Variants in CPPED1 observed in about 807,000 individuals in gnomAD.
The protein encoded by CPPED1 is calcineurin like phosphoesterase domain containing 1.
CPPED1 carries 28 observed loss-of-function variants against 28.0 expected under a neutral mutation model. The ratio of observed to expected loss-of-function variants is 1.00; its 90% CI spans 0.74 to 1.37. The LOEUF (loss-of-function observed/expected upper bound fraction) is 1.37, where lower values mean the gene tolerates loss of function less well. Ranked by LOEUF, CPPED1 falls within the 40% of genes most tolerant of loss-of-function variation. The pLI is 0.00. For missense variants in CPPED1, 504 were observed against 416.5 expected (o/e 1.21, Z -1.83); for synonymous variants, 198 against 180.2 (o/e 1.10, Z -0.79).
At chr16:12,757,166 A>T (rs1275145943) in intron 2 of CPPED1, among the ~76,000 whole-genome samples, 3 of 152,090 alleles carry the variant, frequency 2.0e-5, no homozygotes, top group Non-Finnish European at 4.4e-5. Flanking sequence ...AGGGTGACCA[A>T]CTAAGTTATA....
Position 12,664,837 on chromosome 16 carries a change from A to C in CPPED1, c.*49T>G, listed in dbSNP as rs1404824630. The C allele has an allele frequency of 3.7e-6, 6 of 1,605,798 alleles. No individual in the cohort carries two copies. Among genetic ancestry groups the C allele is most frequent in the Non-Finnish European group, 3.4e-6 (4 of 1,178,000 alleles). On this transcript the variant is annotated 3_prime_UTR_variant, in exon 4 of 4. Transcript: ENST00000381774. The surrounding 1 kb of genome is among the most constrained non-coding windows in gnomAD (Gnocchi z 4.2). ...TTGTGTGCAGCTGCTGTTTCTGGCA[A>C]AATAAAAAAATAGTGCAAGTGAAAA...
chr16:12,796,911 A>T (rs191416596), intron 1 of CPPED1, among the ~76,000 whole-genome samples: 133 of 152,334 alleles, frequency 8.7e-4, no homozygotes, highest in Non-Finnish European at 1.6e-3. Flanking sequence ...TATACAATGG[A>T]ATATCATTTA....
chr16:12,791,047 T>G (rs986658558), intron 1 of CPPED1, among the ~76,000 whole-genome samples: 2 of 120,738 alleles, frequency 1.7e-5, no homozygotes, highest in African/African-American at 8.7e-5. Context: ...ATCCATCATC[T>G]TTTTTTTTTT....
chr16:12,727,480 G>A (rs2080176219), intron 2 of CPPED1, among the ~76,000 whole-genome samples: 1 of 152,112 alleles, frequency 6.6e-6, no homozygotes, highest in Non-Finnish European at 1.5e-5. Flanking sequence ...AGCCTCTCGA[G>A]TAGCTGAGAC....
chr16:12,745,435 G>A (rs996803958), intron 2 of CPPED1, among the ~76,000 whole-genome samples: 2 of 152,132 alleles, frequency 1.3e-5, no homozygotes, highest in Non-Finnish European at 2.9e-5. Flanking sequence ...GCCCACCAAC[G>A]ACAGATTGGA....
rs78281848 is a variant in CPPED1 at position 12,730,999 on chromosome 16, C to A, written c.290-25950G>T. Among the ~76,000 whole-genome samples, 59 of 152,196 alleles carry A rather than the reference C, an allele frequency of 3.9e-4. 1 individual carries two copies. In the East Asian group the frequency reaches 8.7e-3, roughly 22 times the overall value. On this transcript the variant is annotated intron_variant, in intron 2 of 3. Coordinates refer to ENST00000381774, the MANE Select transcript of CPPED1 (RefSeq NM_018340.3). ...AACTGCATGAAGCTTGACCACTGTCCTTCTCACCCTGGCAGAAGATGGGAC... is the reference window on the plus strand; with the variant it reads ...AACTGCATGAAGCTTGACCACTGTCATTCTCACCCTGGCAGAAGATGGGAC...
chr16:12,697,851 C>A (rs990383468), intron 3 of CPPED1, among the ~76,000 whole-genome samples: 1 of 152,126 alleles, frequency 6.6e-6, no homozygotes, highest in African/African-American at 2.4e-5. Context: ...GTGGCTCATG[C>A]CTGTAATCTT....
chr16:12,783,923 A>G (rs577067213), intron 1 of CPPED1, among the ~76,000 whole-genome samples: 1 of 152,172 alleles, frequency 6.6e-6, no homozygotes, highest in Non-Finnish European at 1.5e-5. Flanking sequence ...GCAGGGACTG[A>G]GGGAGTCCAC....
chr16:12,739,140 C>T (rs978395324), intron 2 of CPPED1, among the ~76,000 whole-genome samples: 1 of 152,120 alleles, frequency 6.6e-6, no homozygotes, highest in Non-Finnish European at 1.5e-5. Flanking sequence ...ATAGTAGCGC[C>T]TCACTGGACA....
intron 2 of CPPED1, among the ~76,000 whole-genome samples, chr16:12,766,432 A>G (rs2080439968): frequency 6.9e-6 from 1 of 145,920 alleles, no homozygotes; most frequent in Non-Finnish European, 1.5e-5. Context: ...CGTTTCTTAC[A>G]TGATGGCAGC....
intron 2 of CPPED1, among the ~76,000 whole-genome samples, chr16:12,748,417 A>G (rs780696317): frequency 2.6e-5 from 4 of 152,248 alleles, no homozygotes; most frequent in Non-Finnish European, 4.4e-5. Context: ...AACATGTGAA[A>G]TAAGCTTATA....
intron 2 of CPPED1, among the ~76,000 whole-genome samples, chr16:12,717,393 A>G (rs2080112811): frequency 6.6e-6 from 1 of 152,126 alleles, no homozygotes; most frequent in African/African-American, 2.4e-5. Context: ...TCTCCCGAGT[A>G]GCTGGGACTA....
rs1392637358 is a variant in CPPED1, at chr16:12,718,358, G to T, written c.290-13309C>A. The stretch of plus-strand genomic sequence containing the variant: ...GTTCGAGACCAGCTTGGCCAACATG[G>T]TGAAACCTTGTCTCTATTAAAAATA... On this transcript the variant is annotated intron_variant, in intron 2 of 3. Coordinates refer to ENST00000381774, the MANE Select transcript of CPPED1 (RefSeq NM_018340.3). 2.0e-5 allele frequency among the ~76,000 whole-genome samples: 3 copies of T among 152,184 alleles called. No homozygotes were observed. The East Asian group carries it at 5.8e-4, about 29-fold the overall frequency.
In CPPED1 at chr16:12,680,702, C is replaced by T. The variant is rs189425154; in HGVS notation, c.716-15587G>A. ...TGAGAAGAGAGACACTCTCAGGTTACGGAGTGCCTAAGCCAAGCAGCTCTG... is the reference window on the plus strand; with the variant it reads ...TGAGAAGAGAGACACTCTCAGGTTATGGAGTGCCTAAGCCAAGCAGCTCTG... On this transcript the variant is annotated intron_variant, in intron 3 of 3. Transcript: ENST00000381774. Among the ~76,000 whole-genome samples, 129 of 152,242 alleles carry T rather than the reference C, an allele frequency of 8.5e-4. 2 individuals carry two copies. In the East Asian group the frequency reaches 0.015, roughly 18 times the overall value.
Position 12,721,660 on chromosome 16 carries a change from G to C in CPPED1, c.290-16611C>G, listed in dbSNP as rs1212825227. ...CCCAGCTACTTGTGAGGCTGTGGCGGGAGAATCCACTTGAACCTGGGAGAC... is the reference window on the plus strand; with the variant it reads ...CCCAGCTACTTGTGAGGCTGTGGCGCGAGAATCCACTTGAACCTGGGAGAC... On this transcript the variant is annotated intron_variant, in intron 2 of 3. Coordinates refer to ENST00000381774, the MANE Select transcript of CPPED1 (RefSeq NM_018340.3). Among the ~76,000 whole-genome samples, 7 of 151,820 alleles carry C rather than the reference G, an allele frequency of 4.6e-5. No homozygotes were observed. In the East Asian group the frequency reaches 1.2e-3, roughly 25 times the overall value.
At chr16:12,667,255 T>C (rs906044801) in intron 3 of CPPED1, among the ~76,000 whole-genome samples, 1 of 152,168 alleles carries the variant, frequency 6.6e-6, no homozygotes, top group Admixed American at 6.5e-5. Flanking sequence ...TCACTCCAGA[T>C]GAAATTAATT....
chr16:12,692,535 C>T (rs1043785982), intron 3 of CPPED1, among the ~76,000 whole-genome samples: 4 of 152,196 alleles, frequency 2.6e-5, no homozygotes, highest in African/African-American at 9.6e-5. Context: ...CAAAACCCAC[C>T]GCACCTGCTT....
intron 2 of CPPED1, among the ~76,000 whole-genome samples, chr16:12,742,966 G>A (rs1262799346): frequency 6.6e-5 from 10 of 152,166 alleles, no homozygotes; most frequent in Non-Finnish European, 1.2e-4. Flanking sequence ...CCAGCAATAA[G>A]CTGTGACAAC....
intron 2 of CPPED1, among the ~76,000 whole-genome samples, chr16:12,778,273 CTTTCT>C (rs1013218086): frequency 3.4e-4 from 42 of 123,666 alleles, no homozygotes; most frequent in Non-Finnish European, 3.4e-4. Context: ...TTCTTTCTTT[CTTTCT>C]TTTTTTTTTT....
Sources: gnomAD v4.1 joint callset for allele counts (sites outside exome capture counted in the v4.1 genomes callset) on GRCh38, gnomAD v4.1.1 for gene constraint, Gnocchi (gnomAD v3.1) non-coding constraint, MANE v1.5 for transcripts, NCBI Gene and HGNC (gene_info 2026-07-23, HGNC 2026-07-21) for gene names.